CACNA1E: variants seen among roughly 807,000 people sequenced by gnomAD.
CACNA1E encodes voltage-dependent R-type calcium channel subunit alpha-1E.
CACNA1E carries 40 observed loss-of-function variants against 259.2 expected under a neutral mutation model. The ratio of observed to expected loss-of-function variants is 0.15; its 90% CI spans 0.12 to 0.20. The LOEUF is 0.20. CACNA1E is among the 10% of genes least tolerant of loss of function. The pLI, the probability that CACNA1E is intolerant of heterozygous loss-of-function variation, is 1.00. For synonymous variants in CACNA1E, 1,104 were observed against 1,138.5 expected, an observed-to-expected ratio of 0.97 and a Z score of 0.61; for missense variants, 1,874 against 3,040.1, an observed-to-expected ratio of 0.62 and a Z score of 9.02.
chr1:181,739,060 TG>T, intron 24 of CACNA1E, 86 bp from the exon 25 acceptor site: 1 of 822,442 alleles, frequency 1.2e-6, no homozygotes, highest in South Asian at 1.4e-5. Context: ...ACAGTGGCAG[TG>T]GGGGCACTGC....
At position 181,323,189 on chromosome 1, in the gene CACNA1E, A is replaced by G. The variant is rs531003836; in HGVS notation, c.-15+5066A>G. 1.1e-4 allele frequency among the ~76,000 whole-genome samples: 16 copies of G among 152,308 alleles called. No individual in the cohort carries two copies. The South Asian group carries it at 2.3e-3, about 22-fold the overall frequency. On this transcript the variant is annotated intron_variant, in intron 1 of 11. Transcript: ENST00000524607. ...GTTCCTTCCCCTTTCTCATGAACCA[A>G]ATGTGTACATGTGCTTTTTCCAGAA...
At chr1:181,566,279 T>C (rs1180253275) in intron 3 of CACNA1E, among the ~76,000 whole-genome samples, 1 of 152,242 alleles carries the variant, frequency 6.6e-6, no homozygotes, top group African/African-American at 2.4e-5. Flanking sequence ...TGGAGCTAGC[T>C]AGTTTCTCTC....
chr1:181,608,937 C>T (rs1033218736), intron 6 of CACNA1E, among the ~76,000 whole-genome samples: 1 of 152,210 alleles, frequency 6.6e-6, no homozygotes, highest in East Asian at 1.9e-4. Context: ...AGGGGTGTCT[C>T]CTGACCATTT....
chr1:181,328,303 A>G lies in CACNA1E; in HGVS notation c.-15+10180A>G, dbSNP rs77510305. Among the ~76,000 whole-genome samples the G allele has an allele frequency of 9.4e-3, 1,437 of 152,224 alleles. 28 individuals are homozygous for G. Among genetic ancestry groups the G allele is most frequent in the African/African-American group, 0.033 (1,377 of 41,514 alleles). On this transcript the variant is annotated intron_variant, in intron 1 of 11. Coordinates refer to the CACNA1E transcript ENST00000524607. Reference sequence around the variant, plus strand: ...TTTTGTAAGGGCACTAATCCCATTCATGAGGTCTCCACCCTCATGACCTAA... The same window carrying G: ...TTTTGTAAGGGCACTAATCCCATTCGTGAGGTCTCCACCCTCATGACCTAA...
Position 181,552,354 on chromosome 1 carries a change from C to T in CACNA1E, c.513-25412C>T, listed in dbSNP as rs1297622994. On this transcript the variant is annotated intron_variant, in intron 3 of 47. Transcript: ENST00000367573. ...TTGTCATCTAAGCTGTTGAGAAACA[C>T]GTTGAAATGGACAGAAATGATGATG... 5.3e-5 allele frequency among the ~76,000 whole-genome samples: 8 copies of T among 152,176 alleles called. No homozygotes were observed. In the South Asian group the frequency reaches 6.2e-4, roughly 12 times the overall value.
intron 5 of CACNA1E, 142 bp downstream of exon 5, chr1:181,579,366 CT>C: frequency 1.5e-6 from 1 of 666,334 alleles, no homozygotes; most frequent in Non-Finnish European, 2.5e-6. Context: ...AGTCAGCAGC[CT>C]TTTGAGGCAC....
At chr1:181,388,211 C>T (rs537909286) in intron 1 of CACNA1E, among the ~76,000 whole-genome samples, 2 of 152,254 alleles carry the variant, frequency 1.3e-5, no homozygotes, top group African/African-American at 2.4e-5. Context: ...CTAAGAGAAC[C>T]GTGGGAGACT....
At chr1:181,380,238 C>T (rs1017130042) in intron 1 of CACNA1E, among the ~76,000 whole-genome samples, 3 of 151,886 alleles carry the variant, frequency 2.0e-5, no homozygotes, top group African/African-American at 7.2e-5. Flanking sequence ...GACCCAACTA[C>T]ATCCTGCCTA....
intron 6 of CACNA1E, among the ~76,000 whole-genome samples, chr1:181,602,768 A>G (rs1653863464): frequency 6.6e-6 from 1 of 152,140 alleles, no homozygotes; most frequent in Admixed American, 6.5e-5. Context: ...AAGTTGAACC[A>G]TTTGCTGGGA....
At chr1:181,587,130 GGT>G (rs1259551265) in intron 6 of CACNA1E, among the ~76,000 whole-genome samples, 1 of 152,072 alleles carries the variant, frequency 6.6e-6, no homozygotes, top group Admixed American at 6.5e-5. Context: ...GGGTAGATGT[GGT>G]GTTGGAATCT....
At chr1:181,587,944 C>G (rs1259789953) in intron 6 of CACNA1E, among the ~76,000 whole-genome samples, 1 of 152,166 alleles carries the variant, frequency 6.6e-6, no homozygotes, top group African/African-American at 2.4e-5. Context: ...CAAATTCAGT[C>G]TGTGGAGTAA....
rs759244871 is a variant in CACNA1E at position 181,785,808 on chromosome 1, C to T, written c.5775C>T (p.Pro1925=). The change falls in exon 43 of 48, where the codon CCC becomes CCT. Residue 1925 remains proline, a synonymous_variant. Transcript: ENST00000367573. ...CCCTGCCTTACCTCCAGCAGGACCC[C>T]GTTTCAGGCCTGTGAGTAGCACCAA... ...AKALPYLQQD[P]VSGLSGRSGY... 3.3e-5 allele frequency: 53 copies of T among 1,604,842 alleles called. No individual in the cohort carries two copies. Among genetic ancestry groups the T allele is most frequent in the Admixed American group, 5.2e-5 (3 of 57,732 alleles).
chr1:181,535,063 C>T lies in CACNA1E; in HGVS notation c.512+23553C>T, dbSNP rs1053703752. ...AAAGGAAACAATAGTGACTATTTCA[C>T]TGTGATAAAAAGAAAATAATTGAAG... On this transcript the variant is annotated intron_variant, in intron 3 of 47. Coordinates refer to ENST00000367573, the MANE Select transcript of CACNA1E (RefSeq NM_001205293.3). 6.6e-5 allele frequency among the ~76,000 whole-genome samples: 10 copies of T among 152,132 alleles called. No homozygotes were observed. In the South Asian group the frequency reaches 1.5e-3, roughly 22 times the overall value.
In CACNA1E at chr1:181,719,731, G is replaced by A; in HGVS notation, c.1639-20G>A. 7.2e-7 allele frequency: 1 copy of A among 1,388,258 alleles called. No homozygotes were observed. The highest frequency in any genetic ancestry group is 1.0e-6 in the Non-Finnish European group (1 of 992,796). 86.0% of individuals were successfully genotyped at this position (1,388,258 alleles called of 1,614,324 possible). On this transcript the variant is annotated intron_variant, in intron 12 of 47. Transcript: ENST00000367573. ...CTCCTCTTCCTCCTCCTCTCACTGT[G>A]GCTGGCATTGCCTCTCTAGGTCACA...
chr1:181,482,850 G>T (rs1663405169), upstream of CACNA1E, among the ~76,000 whole-genome samples: 1 of 152,256 alleles, frequency 6.6e-6, no homozygotes, highest in African/African-American at 2.4e-5. Context: ...CCTCTCGGCG[G>T]CGCAGCCGCG....
chr1:181,614,995 T>C lies in CACNA1E; in HGVS notation c.951+34219T>C, dbSNP rs376729156. 5.3e-5 allele frequency among the ~76,000 whole-genome samples: 8 copies of C among 152,322 alleles called. No homozygotes were observed. In the East Asian group the frequency reaches 7.7e-4, roughly 15 times the overall value. On this transcript the variant is annotated intron_variant, in intron 6 of 47. Coordinates refer to ENST00000367573, the MANE Select transcript of CACNA1E (RefSeq NM_001205293.3). ...TTGTATGTACTTTAGAATTATCCTGTCAATTTTTACTAAAAAAACTCTTGC... is the reference window on the plus strand; with the variant it reads ...TTGTATGTACTTTAGAATTATCCTGCCAATTTTTACTAAAAAAACTCTTGC...
chr1:181,332,689 A>G (rs1651381628), intron 1 of CACNA1E, among the ~76,000 whole-genome samples: 1 of 152,236 alleles, frequency 6.6e-6, no homozygotes, highest in East Asian at 1.9e-4. Flanking sequence ...ATGTAATTAT[A>G]TCCCAGACTT....
chr1:181,629,601 T>C lies in CACNA1E; in HGVS notation c.952-21737T>C, dbSNP rs537666860. Among the ~76,000 whole-genome samples, 6 of 152,138 alleles carry C rather than the reference T, an allele frequency of 3.9e-5. No homozygotes were observed. The South Asian group carries it at 1.2e-3, about 32-fold the overall frequency. On this transcript the variant is annotated intron_variant, in intron 6 of 47. Coordinates refer to ENST00000367573, the MANE Select transcript of CACNA1E (RefSeq NM_001205293.3). ...ATGGTAAAGGACACCATAAGTAATGTCAACAAATGATTAATACACTGAGAA... is the reference window on the plus strand; with the variant it reads ...ATGGTAAAGGACACCATAAGTAATGCCAACAAATGATTAATACACTGAGAA...
Position 181,579,079 on chromosome 1 carries a change from G to A in CACNA1E, c.624G>A (p.Gln208=). ...CTCTGTCCTTCCTTCTAGGCCTGCA[G>A]ATTGTGTTGAAGTCCATCATGAAGG... The part of the protein sequence containing the change: ...LKLVSGIPSL[Q]IVLKSIMKAM... The change falls in exon 5 of 48, where the codon CAG becomes CAA. Residue 208 remains glutamine (Q), a synonymous_variant. Coordinates refer to ENST00000367573, the MANE Select transcript of CACNA1E (RefSeq NM_001205293.3). The A allele has an allele frequency of 1.2e-6, 2 of 1,609,426 alleles. No individual in the cohort carries two copies. The highest frequency in any genetic ancestry group is 1.7e-6 in the Non-Finnish European group (2 of 1,177,946).
Sources: gnomAD v4.1 joint callset for allele counts (sites outside exome capture counted in the v4.1 genomes callset) on GRCh38, gnomAD v4.1.1 for gene constraint, MANE v1.5 for transcripts, NCBI Gene and HGNC (gene_info 2026-07-23, HGNC 2026-07-21) for gene names.